LIMCH1: variants seen among roughly 807,000 people sequenced by gnomAD.
The protein encoded by LIMCH1 is LIM and calponin homology domains-containing protein 1.
A neutral mutation model predicts 176.5 loss-of-function variants in LIMCH1; 113 were observed. That is an observed-to-expected ratio of 0.64 (90% CI 0.55 to 0.75). LIMCH1 has a LOEUF of 0.75. Ranked by LOEUF, LIMCH1 falls within the 30% of genes least tolerant of loss-of-function variation. LIMCH1 has a pLI of 0.00. For synonymous variants in LIMCH1, 619 were observed against 645.9 expected, an observed-to-expected ratio of 0.96 and a Z score of 0.63; for missense variants, 1,674 against 1,814.9, an observed-to-expected ratio of 0.92 and a Z score of 1.41.
chr4:41,504,880 A>G (rs184740002), intron 2 of LIMCH1, among the ~76,000 whole-genome samples: 1 of 152,198 alleles, frequency 6.6e-6, no homozygotes, highest in Non-Finnish European at 1.5e-5. Flanking sequence ...AATAGACCAA[A>G]AAATAGTCAG....
chr4:41,506,119 G>A (rs547692195), intron 2 of LIMCH1, among the ~76,000 whole-genome samples: 2 of 152,280 alleles, frequency 1.3e-5, no homozygotes, highest in African/African-American at 2.4e-5. Flanking sequence ...CAAACGTATT[G>A]TCATGAAATG....
chr4:41,480,948 A>T (rs1470794130), intron 1 of LIMCH1, among the ~76,000 whole-genome samples: 3 of 151,998 alleles, frequency 2.0e-5, no homozygotes, highest in Non-Finnish European at 4.4e-5. Context: ...CTGCATCTAG[A>T]TCATACAAGG....
chr4:41,468,368 C>CCTCA (rs2066467974), intron 1 of LIMCH1, among the ~76,000 whole-genome samples: 1 of 107,420 alleles, frequency 9.3e-6, no homozygotes, highest in Non-Finnish European at 2.0e-5. Flanking sequence ...TCCCTCCCTC[C>CCTCA]CCCTCCTCTC....
At position 41,620,575 on chromosome 4, in the gene LIMCH1, G is replaced by T; in HGVS notation, c.610G>T (p.Ala204Ser). 1 of 1,536,300 alleles carries T rather than the reference G, an allele frequency of 6.5e-7. No individual in the cohort carries two copies. The highest frequency in any genetic ancestry group is 8.7e-7 in the Non-Finnish European group (1 of 1,146,976). The part of the protein sequence containing the change: ...SGKEHPSSDG[A>S]VVAPAPKSEE... ...TAAGGAGCACCCTTCTTCAGACGGG[G>T]CTGTGGTGGCACCAGCTCCCAAGTC... The change falls in exon 7 of 32, where the codon GCT becomes TCT. Residue 204 changes from alanine (A) to serine (S), a missense_variant. Transcript: ENST00000503057.
At chr4:41,512,081 A>G (rs1184371582) in intron 2 of LIMCH1, among the ~76,000 whole-genome samples, 2 of 152,212 alleles carry the variant, frequency 1.3e-5, no homozygotes, top group Non-Finnish European at 2.9e-5. Flanking sequence ...CCAATTTAAA[A>G]ATGGACAAAA....
chr4:41,647,556 CT>C (rs941022126), intron 17 of LIMCH1, among the ~76,000 whole-genome samples: 1 of 152,218 alleles, frequency 6.6e-6, no homozygotes, highest in Non-Finnish European at 1.5e-5. Context: ...AATTCAAGTA[CT>C]TTCTCTTATA....
chr4:41,523,488 C>G (rs772619689), intron 2 of LIMCH1, among the ~76,000 whole-genome samples: 3 of 152,172 alleles, frequency 2.0e-5, no homozygotes, highest in Non-Finnish European at 2.9e-5. Context: ...ATGATACACT[C>G]CTACCCTAAG....
chr4:41,669,215 C>T (rs1024863073), intron 21 of LIMCH1, among the ~76,000 whole-genome samples: 4 of 152,032 alleles, frequency 2.6e-5, no homozygotes, highest in African/African-American at 9.7e-5. Flanking sequence ...GAAATAATAC[C>T]AGTAATAACC....
At chr4:41,400,597 G>A (rs916920642) in intron 1 of LIMCH1, among the ~76,000 whole-genome samples, 4 of 152,152 alleles carry the variant, frequency 2.6e-5, no homozygotes, top group Non-Finnish European at 5.9e-5. Context: ...AGGAAGTGTA[G>A]TACACCACCA....
Position 41,440,346 on chromosome 4 carries a change from C to A in LIMCH1, c.97-54190C>A, listed in dbSNP as rs959193715. Among the ~76,000 whole-genome samples, 3 of 152,104 alleles carry A rather than the reference C, an allele frequency of 2.0e-5. No individual in the cohort carries two copies. In the East Asian group the frequency reaches 5.8e-4, roughly 29 times the overall value. On this transcript the variant is annotated intron_variant, in intron 1 of 26. Coordinates refer to the LIMCH1 transcript ENST00000313860. ...TACAGAAATATTTTTGACTTCAATG[C>A]TTTCCTCAAGAATAAAACCTGTCAG...
At chr4:41,589,876 T>C (rs1419354781) in intron 1 of LIMCH1, among the ~76,000 whole-genome samples, 1 of 152,128 alleles carries the variant, frequency 6.6e-6, no homozygotes, top group Non-Finnish European at 1.5e-5. Flanking sequence ...TCTCTAAATA[T>C]AGAGTGCTCC....
intron 1 of LIMCH1, among the ~76,000 whole-genome samples, chr4:41,390,269 A>AGAGAGCGAGAGC (rs1554024866): frequency 6.7e-6 from 1 of 150,304 alleles, no homozygotes; most frequent in African/African-American, 2.5e-5. Context: ...AGAGAGAGAG[A>AGAGAGCGAGAGC]GAGAGCGAGA....
At chr4:41,380,406 C>T (rs537582634) in intron 1 of LIMCH1, among the ~76,000 whole-genome samples, 1 of 152,156 alleles carries the variant, frequency 6.6e-6, no homozygotes, top group East Asian at 1.9e-4. Context: ...CCTGGCCTCC[C>T]AAAGTGCTGG....
chr4:41,473,917 C>A (rs983102959), intron 1 of LIMCH1, among the ~76,000 whole-genome samples: 13 of 152,186 alleles, frequency 8.5e-5, no homozygotes, highest in Admixed American at 6.5e-4. Context: ...GTGGTTTACG[C>A]CTGTAATCTC....
At chr4:41,492,184 C>T (rs553313768) in intron 1 of LIMCH1, among the ~76,000 whole-genome samples, 2 of 152,142 alleles carry the variant, frequency 1.3e-5, no homozygotes, top group Admixed American at 6.5e-5. Context: ...GCAGATCACC[C>T]GAGGCCAGGA....
chr4:41,405,781 A>G lies in LIMCH1; in HGVS notation c.96+44845A>G, dbSNP rs113634019. Among the ~76,000 whole-genome samples the G allele has an allele frequency of 6.6e-5, 10 of 151,944 alleles. 1 individual carries two copies. The highest frequency in any genetic ancestry group is 4.6e-4 in the Admixed American group (7 of 15,274). Reference sequence around the variant, plus strand: ...AAATATGTGCATGTATTATGTATCAATGAAACATAAAATCTTGTTAAGGGA... The same window carrying G: ...AAATATGTGCATGTATTATGTATCAGTGAAACATAAAATCTTGTTAAGGGA... On this transcript the variant is annotated intron_variant, in intron 1 of 26. Coordinates refer to the LIMCH1 transcript ENST00000313860.
chr4:41,694,506 G>A (rs1419492336), intron 31 of LIMCH1, among the ~76,000 whole-genome samples: 1 of 152,162 alleles, frequency 6.6e-6, no homozygotes, highest in Non-Finnish European at 1.5e-5. Flanking sequence ...TCTGTACTTG[G>A]TTTTTGTTGC....
intron 13 of LIMCH1, among the ~76,000 whole-genome samples, chr4:41,637,512 C>T (rs952258079): frequency 6.6e-6 from 1 of 152,146 alleles, no homozygotes; most frequent in Non-Finnish European, 1.5e-5. Flanking sequence ...GTGAAAGAAC[C>T]CACTTGTCAT....
intron 1 of LIMCH1, among the ~76,000 whole-genome samples, chr4:41,419,640 T>G (rs2060356107): frequency 1.2e-5 from 1 of 82,598 alleles, no homozygotes; most frequent in African/African-American, 8.1e-5. Context: ...CCTTCCTCCT[T>G]CCTTTCTTCC....
Sources: allele counts gnomAD v4.1 joint callset (sites outside exome capture counted in the v4.1 genomes callset), GRCh38; gene constraint gnomAD v4.1.1; transcripts MANE v1.5; gene names NCBI Gene and HGNC (gene_info 2026-07-23, HGNC 2026-07-21).